GRIA2: variants seen among roughly 807,000 people sequenced by gnomAD.
The protein encoded by GRIA2 is glutamate ionotropic receptor AMPA type subunit 2, also known as glutamate receptor 2.
In GRIA2, 14 loss-of-function variants were observed where a neutral mutation model predicts 97.3. That is an observed-to-expected ratio of 0.14 (90% confidence interval 0.10 to 0.23). GRIA2 has a LOEUF of 0.23. Ranked by LOEUF, GRIA2 falls within the 10% of genes least tolerant of loss-of-function variation. The pLI is 1.00. For synonymous variants in GRIA2, 412 were observed against 387.8 expected, an observed-to-expected ratio of 1.06 and a Z score of -0.73; for missense variants, 558 against 1,069.8, an observed-to-expected ratio of 0.52 and a Z score of 6.67.
At chr4:157,356,502 G>A (rs1736384578) in intron 12 of GRIA2, among the ~76,000 whole-genome samples, 1 of 151,980 alleles carries the variant, frequency 6.6e-6, no homozygotes, top group Non-Finnish European at 1.5e-5. Flanking sequence ...TTGCTCAAAT[G>A]TAGATGTTGC....
intron 6 of GRIA2, among the ~76,000 whole-genome samples, chr4:157,328,049 T>C (rs1223180783): frequency 2.6e-5 from 4 of 152,120 alleles, no homozygotes; most frequent in Admixed American, 2.6e-4. Context: ...CCTTGTATTT[T>C]ATAGTTTAAA....
At chr4:157,225,615 T>A (rs895343570) in intron 2 of GRIA2, among the ~76,000 whole-genome samples, 2 of 103,444 alleles carry the variant, frequency 1.9e-5, no homozygotes, top group Admixed American at 1.3e-4. Context: ...CTTTTTTTCA[T>A]GTTAACTTTT....
At position 157,344,161 on chromosome 4, in the gene GRIA2, A is replaced by C. The variant is rs1579379614; in HGVS notation, c.2043+2699A>C. 2.0e-5 allele frequency among the ~76,000 whole-genome samples: 3 copies of C among 152,252 alleles called. No individual in the cohort carries two copies. In the South Asian group the frequency reaches 6.2e-4, roughly 32 times the overall value. The stretch of plus-strand genomic sequence containing the variant: ...AAGCCAATTTAGAGACATTTTAAAG[A>C]CAAAAATATTTGATTTTCATTAATA... On this transcript the variant is annotated intron_variant, in intron 12 of 15. Coordinates refer to ENST00000264426, the MANE Select transcript of GRIA2 (RefSeq NM_001083619.3).
At position 157,363,805 on chromosome 4, in the gene GRIA2, C is replaced by T. The variant is rs1319781189; in HGVS notation, c.*374C>T. The T allele has an allele frequency of 2.8e-6, 1 of 357,746 alleles. No individual in the cohort carries two copies. The highest frequency in any genetic ancestry group is 2.1e-5 in the African/African-American group (1 of 47,624). The allele number at this position is 357,746 out of a possible 1,614,324, so 22.2% of individuals were successfully genotyped here. ...TTACAGACAAAGCGTGGTGGACATG[C>T]ACAGCTAACATGGAAGTACTATAAT... is the stretch of plus-strand genomic sequence containing the variant. On this transcript the variant is annotated 3_prime_UTR_variant, in exon 16 of 16. Coordinates refer to ENST00000264426, the MANE Select transcript of GRIA2 (RefSeq NM_001083619.3).
At chr4:157,230,795 G>T (rs959459910) in intron 2 of GRIA2, among the ~76,000 whole-genome samples, 12 of 151,906 alleles carry the variant, frequency 7.9e-5, no homozygotes, top group African/African-American at 2.9e-4. Flanking sequence ...TTTCTAGAGG[G>T]AGACATGAAA....
intron 6 of GRIA2, among the ~76,000 whole-genome samples, chr4:157,328,553 G>A (rs999929734): frequency 3.3e-5 from 5 of 151,936 alleles, no homozygotes; most frequent in African/African-American, 1.2e-4. Context: ...TCAGGGAGAG[G>A]GATGTGTTCA....
chr4:157,349,183 G>A (rs1455656090), intron 12 of GRIA2, among the ~76,000 whole-genome samples: 1 of 152,166 alleles, frequency 6.6e-6, no homozygotes, highest in African/African-American at 2.4e-5. Flanking sequence ...TTGAGGGTAA[G>A]AAATGTAGAA....
At chr4:157,299,598 G>C (rs1205927075) in intron 2 of GRIA2, among the ~76,000 whole-genome samples, 1 of 152,102 alleles carries the variant, frequency 6.6e-6, no homozygotes, top group Non-Finnish European at 1.5e-5. Context: ...CAGCACCAAT[G>C]AGCAGAGTGA....
At chr4:157,299,551 G>T (rs899470011) in intron 2 of GRIA2, among the ~76,000 whole-genome samples, 24 of 152,094 alleles carry the variant, frequency 1.6e-4, no homozygotes, top group African/African-American at 5.6e-4. Flanking sequence ...TTTAGATTTT[G>T]TTCAGCATAC....
intron 13 of GRIA2, 35 bp from the exon 14 acceptor site, chr4:157,360,975 C>A: frequency 6.8e-7 from 1 of 1,465,820 alleles, no homozygotes; most frequent in Non-Finnish European, 9.5e-7. Context: ...AAAATTTGCT[C>A]ACCCTGTCTG....
chr4:157,322,229 AAG>A (rs772861473), intron 6 of GRIA2, among the ~76,000 whole-genome samples: 2,349 of 109,202 alleles, frequency 0.022, 25 homozygotes, highest in South Asian at 0.029. Flanking sequence ...GAGAGTGAGA[AAG>A]AGAGAGAGAG....
intron 2 of GRIA2, among the ~76,000 whole-genome samples, chr4:157,227,191 C>T (rs1729788434): frequency 6.6e-6 from 1 of 152,096 alleles, no homozygotes; most frequent in Non-Finnish European, 1.5e-5. Context: ...CAAACTTCAA[C>T]CTGCTGGCTC....
chr4:157,221,448 G>T, intron 1 of GRIA2: 1 of 587,908 alleles, frequency 1.7e-6, no homozygotes, highest in Admixed American at 3.2e-5. Flanking sequence ...AAAGGTGAAG[G>T]TTTCTGGCCG....
At chr4:157,344,456 G>C (rs1735683135) in intron 12 of GRIA2, among the ~76,000 whole-genome samples, 1 of 152,058 alleles carries the variant, frequency 6.6e-6, no homozygotes, top group Non-Finnish European at 1.5e-5. Context: ...AGGGTTATGG[G>C]TGAAGTGGGC....
intron 4 of GRIA2, among the ~76,000 whole-genome samples, chr4:157,313,335 AT>A (rs545509691): frequency 1.3e-5 from 2 of 151,830 alleles, no homozygotes; most frequent in Non-Finnish European, 2.9e-5. Flanking sequence ...TGCAAGATAT[AT>A]TTTTTTTCTT....
intron 12 of GRIA2, among the ~76,000 whole-genome samples, chr4:157,350,937 T>TC (rs1735984675): frequency 6.6e-6 from 1 of 150,510 alleles, no homozygotes; most frequent in South Asian, 2.1e-4. Flanking sequence ...TTTTCTTTTT[T>TC]TTTTTTTTTT....
At chr4:157,319,643 C>T (rs1456752333) in intron 5 of GRIA2, among the ~76,000 whole-genome samples, 1 of 152,132 alleles carries the variant, frequency 6.6e-6, no homozygotes, top group South Asian at 2.1e-4. Context: ...AACAATGCCA[C>T]CCGAAGTTGA....
At chr4:157,297,530 T>G (rs964787399) in intron 2 of GRIA2, among the ~76,000 whole-genome samples, 3 of 152,118 alleles carry the variant, frequency 2.0e-5, no homozygotes, top group Non-Finnish European at 2.9e-5. Context: ...ATTTTTATCG[T>G]TTTTTACACA....
At chr4:157,333,031 T>G in intron 7 of GRIA2, 45 bp downstream of exon 7, 21 of 1,391,822 alleles carry the variant, frequency 1.5e-5, no homozygotes, top group Non-Finnish European at 2.0e-5. Context: ...ATATGGCCAT[T>G]AATGTTTTCT....
Sources: allele counts gnomAD v4.1 joint callset (sites outside exome capture counted in the v4.1 genomes callset), GRCh38; gene constraint gnomAD v4.1.1; transcripts MANE v1.5; gene names NCBI Gene and HGNC (gene_info 2026-07-23, HGNC 2026-07-21).